Variants in SLC2A9 observed in about 807,000 individuals in gnomAD.
SLC2A9 encodes solute carrier family 2, facilitated glucose transporter member 9.
Under a neutral mutation model 50.6 loss-of-function variants are expected in SLC2A9, and 39 were observed. The ratio of observed to expected loss-of-function variants is 0.77; its 90% CI spans 0.60 to 1.01. The LOEUF is 1.01. Among genes scored for constraint, SLC2A9 ranks in the 50% least tolerant of loss-of-function variants. SLC2A9 has a pLI of 0.00. For missense variants in SLC2A9, 686 were observed against 677.6 expected (o/e 1.01, Z -0.14); for synonymous variants, 324 against 276.9 (o/e 1.17, Z -1.69).
chr4:9,915,018 T>C (rs1305276288), intron 7 of SLC2A9, among the ~76,000 whole-genome samples: 2 of 152,212 alleles, frequency 1.3e-5, no homozygotes, highest in African/African-American at 2.4e-5. Flanking sequence ...ACCTAGCCAT[T>C]AGCCCAATGA....
chr4:9,951,194 G>A (rs188330798), intron 5 of SLC2A9, among the ~76,000 whole-genome samples: 1 of 152,334 alleles, frequency 6.6e-6, no homozygotes, highest in African/African-American at 2.4e-5. Context: ...CAGCAACGTG[G>A]ATGGAATTGG....
At chr4:9,819,656 C>T (rs187983057) in intron 3 of SLC2A9, among the ~76,000 whole-genome samples, 10 of 152,226 alleles carry the variant, frequency 6.6e-5, no homozygotes, top group Middle Eastern at 3.4e-3. Context: ...TCTTTTGGCC[C>T]GGTGTGGTGG....
At chr4:9,960,683 T>TTTG (rs1752123738) in intron 5 of SLC2A9, among the ~76,000 whole-genome samples, 1 of 152,186 alleles carries the variant, frequency 6.6e-6, no homozygotes, top group Non-Finnish European at 1.5e-5. Flanking sequence ...CTATTTCTTT[T>TTTG]TTGTTGTTGT....
In SLC2A9 at chr4:9,942,014, A is replaced by G. The variant is rs892685937; in HGVS notation, c.713T>C (p.Ile238Thr). 100 of 1,614,022 alleles carry G rather than the reference A, an allele frequency of 6.2e-5. No individual in the cohort carries two copies. The highest frequency in any genetic ancestry group is 1.6e-4 in the Middle Eastern group (1 of 6,084). Residue 238 changes from isoleucine to threonine, a missense_variant, in exon 6 of 12, where the codon ATT becomes ACT. Ile to Thr is a moderately conservative substitution (Grantham distance 89). Transcript: ENST00000264784. ...ESTWPYLFGV[I>T]VVPAVVQLLS... ...CAGCTGGACAACGGCAGGGACCACA[A>G]TCACTCCAAACAGGTATGGCCAGGT...
chr4:9,794,922 A>G (rs1188602571), downstream of SLC2A9, among the ~76,000 whole-genome samples: 1 of 151,722 alleles, frequency 6.6e-6, no homozygotes. Flanking sequence ...TGGGACCAAC[A>G]TCACCAAAGA....
intron 8 of SLC2A9, among the ~76,000 whole-genome samples, chr4:9,905,487 G>A (rs1345101675): frequency 2.0e-5 from 3 of 152,326 alleles, no homozygotes; most frequent in Admixed American, 6.5e-5. Flanking sequence ...TGGCAGGAGT[G>A]CTCTCCAGAG....
At chr4:9,823,997 T>C (rs1724760151), downstream of SLC2A9, among the ~76,000 whole-genome samples, 1 of 152,170 alleles carries the variant, frequency 6.6e-6, no homozygotes, top group African/African-American at 2.4e-5. Context: ...GCTGCTGTGG[T>C]TTGAATGTCC....
intron 1 of SLC2A9, among the ~76,000 whole-genome samples, chr4:10,039,246 A>G (rs1278642530): frequency 6.6e-6 from 1 of 152,220 alleles, no homozygotes; most frequent in African/African-American, 2.4e-5. Context: ...CACACACTTA[A>G]CAGTGCCCAG....
intron 3 of SLC2A9, among the ~76,000 whole-genome samples, chr4:9,991,063 T>G (rs1578219143): frequency 6.6e-6 from 1 of 152,076 alleles, no homozygotes; most frequent in African/African-American, 2.4e-5. Flanking sequence ...GACAGATGAG[T>G]GGTAGGGGTG....
At chr4:9,932,524 T>G (rs1385476394) in intron 6 of SLC2A9, among the ~76,000 whole-genome samples, 2 of 152,290 alleles carry the variant, frequency 1.3e-5, no homozygotes, top group South Asian at 2.1e-4. Context: ...TAAGTGGCAG[T>G]GAGAAGAGGG....
At chr4:9,944,480 C>T (rs999771897) in intron 5 of SLC2A9, among the ~76,000 whole-genome samples, 2 of 152,150 alleles carry the variant, frequency 1.3e-5, no homozygotes, top group Non-Finnish European at 2.9e-5. Flanking sequence ...CGTGTGGACT[C>T]TTTCTTAAGG....
chr4:9,781,052 G>A (rs182556362), intron 3 of SLC2A9, among the ~76,000 whole-genome samples: 1,889 of 152,240 alleles, frequency 0.012, 20 homozygotes, highest in Non-Finnish European at 0.018. Flanking sequence ...GAGGTCAGCT[G>A]AAGCCCCAGC....
chr4:9,941,986 C>T lies in SLC2A9; in HGVS notation c.741G>A (p.Leu247=), dbSNP rs1436607124. Residue 247 remains leucine (L), a synonymous_variant, in exon 6 of 12, where the codon CTG becomes CTA. Transcript: ENST00000264784. The part of the protein sequence containing the change: ...VIVVPAVVQL[L]SLPFLPDSPR... The stretch of plus-strand genomic sequence containing the variant: ...GGCTGTCCGGGAGAAAGGGAAGGCT[C>T]AGCAGCTGGACAACGGCAGGGACCA... 1.9e-6 allele frequency: 3 copies of T among 1,614,200 alleles called. No homozygotes were observed. Among genetic ancestry groups the T allele is most frequent in the Non-Finnish European group, 2.5e-6 (3 of 1,180,034 alleles).
chr4:9,932,690 C>G (rs1746362800), intron 6 of SLC2A9, among the ~76,000 whole-genome samples: 1 of 152,216 alleles, frequency 6.6e-6, no homozygotes, highest in Non-Finnish European at 1.5e-5. Flanking sequence ...ATGAAATGTG[C>G]TGACAGCATC....
At position 9,906,716 on chromosome 4, in the gene SLC2A9, T is replaced by C. The variant is rs887505482; in HGVS notation, c.1113+1519A>G. On this transcript the variant is annotated intron_variant, in intron 8 of 11. Transcript: ENST00000264784. ...TCTTCACAACACCAATAAAATACTT[T>C]ACAAAAAACAAAAAACATCTCCCGT... Among the ~76,000 whole-genome samples the C allele has an allele frequency of 5.9e-5, 9 of 152,142 alleles. No individual in the cohort carries two copies. In the East Asian group the frequency reaches 9.6e-4, roughly 16 times the overall value.
intron 8 of SLC2A9, among the ~76,000 whole-genome samples, chr4:9,903,898 T>C (rs1366394701): frequency 2.0e-5 from 3 of 147,670 alleles, no homozygotes; most frequent in Non-Finnish European, 4.5e-5. Context: ...ATATATTTTA[T>C]ATCAATAAAT....
rs200614788 is a variant in SLC2A9, at chr4:10,027,717, A to AT, written c.-40-1712dup. ...TGGGGGTAGAACTGCCTACCCAGGC[A>AT]TTTTTTTTTTATTGATACATATTAG... On this transcript the variant is annotated intron_variant, in intron 1 of 12. Transcript: ENST00000309065. Among the ~76,000 whole-genome samples, 721 of 147,704 alleles carry AT rather than the reference A, an allele frequency of 4.9e-3. 18 individuals carry two copies. In the East Asian group the frequency reaches 0.074, roughly 15 times the overall value.
intron 2 of SLC2A9, among the ~76,000 whole-genome samples, chr4:10,001,000 C>T (rs1045464659): frequency 6.6e-6 from 1 of 152,142 alleles, no homozygotes; most frequent in Non-Finnish European, 1.5e-5. Context: ...ATACTAAAGT[C>T]CTAACTCCCC....
intron 5 of SLC2A9, among the ~76,000 whole-genome samples, chr4:9,976,148 G>A (rs2109047068): frequency 6.6e-6 from 1 of 152,314 alleles, no homozygotes; most frequent in South Asian, 2.1e-4. Context: ...CTATTGGGTA[G>A]TATGTTCAGT....
Sources: gnomAD v4.1 joint callset for allele counts (sites outside exome capture counted in the v4.1 genomes callset) on GRCh38, gnomAD v4.1.1 for gene constraint, MANE v1.5 for transcripts, NCBI Gene and HGNC (gene_info 2026-07-23, HGNC 2026-07-21) for gene names.